The following GRIP2 variants were observed in gnomAD, a reference collection of about 807,000 sequenced individuals.
GRIP2 encodes the protein glutamate receptor interacting protein 2.
GRIP2 carries 58 observed loss-of-function variants against 108.3 expected under a neutral mutation model. The observed-to-expected ratio is 0.54, with a 90% CI of 0.43 to 0.67. GRIP2 has a LOEUF of 0.67. Among genes scored for constraint, GRIP2 ranks in the 30% least tolerant of loss-of-function variants. The pLI is 0.00. For synonymous variants in GRIP2, 586 were observed against 598.2 expected, an observed-to-expected ratio of 0.98 and a Z score of 0.30; for missense variants, 1,278 against 1,430.6, an observed-to-expected ratio of 0.89 and a Z score of 1.72.
At chr3:14,599,982 A>C in the GRIP2 span, among the ~76,000 whole-genome samples, 1 of 152,190 alleles carries the variant, frequency 6.6e-6, no homozygotes, top group African/African-American at 2.4e-5. Flanking sequence ...ACTGCTGTTT[A>C]AGATTCTAAA....
At chr3:14,497,685 G>C (rs747975916) in intron 21 of GRIP2, among the ~76,000 whole-genome samples, 4 of 152,066 alleles carry the variant, frequency 2.6e-5, no homozygotes, top group African/African-American at 9.7e-5. Context: ...AGCATCTTCC[G>C]ACTGCCACAT....
At chr3:14,561,838 CA>C in the GRIP2 span, among the ~76,000 whole-genome samples, 1 of 152,210 alleles carries the variant, frequency 6.6e-6, no homozygotes, top group African/African-American at 2.4e-5. Flanking sequence ...AGGCTGGGTG[CA>C]GACCCTCTTG....
At chr3:14,513,308 T>C (rs1694152308) in intron 13 of GRIP2, among the ~76,000 whole-genome samples, 2 of 152,172 alleles carry the variant, frequency 1.3e-5, no homozygotes, top group East Asian at 1.9e-4. Context: ...GGGGAAACAG[T>C]GGAGGGAGTG....
chr3:14,517,213 G>T lies in GRIP2; in HGVS notation c.1157C>A (p.Ser386Tyr), dbSNP rs767102733. The T allele has an allele frequency of 6.3e-7, 1 of 1,576,190 alleles. No individual in the cohort carries two copies. Among genetic ancestry groups the T allele is most frequent in the Non-Finnish European group, 8.6e-7 (1 of 1,160,484 alleles). ...ATPAGQDQSR[S>Y]LSSTPFSSPT... ...CGAGGAAAAGGGAGTTGAAGACAAG[G>T]CTGGGGAGATGAGAGCACAGCCCCG... The change falls in exon 11 of 24, where the codon TCC (serine) becomes TAC (tyrosine). Residue 386 changes from serine (S) to tyrosine (Y), a missense_variant and splice_region_variant. By Grantham distance (144) the Ser-to-Tyr change is moderately radical. Coordinates refer to ENST00000621039, the MANE Select transcript of GRIP2 (RefSeq NM_001080423.4).
chr3:14,506,389 C>T (rs113664570), intron 19 of GRIP2, among the ~76,000 whole-genome samples: 4,902 of 152,326 alleles, frequency 0.032, 137 homozygotes, highest in Middle Eastern at 0.071. Context: ...GCCCCACATC[C>T]GGTCTTGTAG....
intron 21 of GRIP2, among the ~76,000 whole-genome samples, chr3:14,498,695 T>G (rs1693684143): frequency 6.6e-6 from 1 of 152,204 alleles, no homozygotes. Context: ...CACAGGGTCT[T>G]GGACCCCTAA....
chr3:14,547,510 A>G (rs552962068), intron 1 of GRIP2, among the ~76,000 whole-genome samples: 6 of 152,354 alleles, frequency 3.9e-5, no homozygotes, highest in African/African-American at 1.2e-4. Flanking sequence ...AAAAATTAAA[A>G]ATAAATAGGT....
Position 14,513,859 on chromosome 3 carries a change from T to C in GRIP2, c.1494-49A>G, listed in dbSNP as rs4685172. ...GAGAAGAGGCTCCGTGACAGGTCCA[T>C]TGGGAGACAAGAACGCCATGCAGGG... On this transcript the variant is annotated intron_variant, in intron 12 of 23. Coordinates refer to ENST00000621039, the MANE Select transcript of GRIP2 (RefSeq NM_001080423.4). 0.43 allele frequency: 686,861 copies of C among 1,594,132 alleles called. 152,178 individuals are homozygous for C. The highest frequency in any genetic ancestry group is 0.59 in the East Asian group (26,197 of 44,550).
intron 10 of GRIP2, 123 bp from the exon 11 acceptor site, chr3:14,517,336 G>A (rs1694277686): frequency 1.0e-6 from 1 of 983,896 alleles, no homozygotes. Context: ...CTTCACATCA[G>A]TTACTCATTG....
In GRIP2 at chr3:14,507,769, C is replaced by T. The variant is rs1225255458; in HGVS notation, c.2079-69G>A. 1 of 1,550,638 alleles carries T rather than the reference C, an allele frequency of 6.4e-7. No individual in the cohort carries two copies. Among genetic ancestry groups the T allele is most frequent in the East Asian group, 2.3e-5 (1 of 43,786 alleles). Reference sequence around the variant, plus strand: ...GGGCCTCAGAGTGGCAGTCTGCCCTCAGGGAATCCAGGAGAGCCACAAAGC... The same window carrying T: ...GGGCCTCAGAGTGGCAGTCTGCCCTTAGGGAATCCAGGAGAGCCACAAAGC... On this transcript the variant is annotated intron_variant, in intron 17 of 23. Transcript: ENST00000621039. The surrounding 1 kb of genome is among the most constrained non-coding windows in gnomAD (Gnocchi z 4.6).
At chr3:14,569,043 C>T in the GRIP2 span, among the ~76,000 whole-genome samples, 1 of 152,188 alleles carries the variant, frequency 6.6e-6, no homozygotes, top group African/African-American at 2.4e-5. Flanking sequence ...ATCAATCCAG[C>T]TGACAGGCAG....
In GRIP2 at chr3:14,512,988, T is replaced by G. The variant is rs1361020710; in HGVS notation, c.1640-131A>C. 19 of 758,030 alleles carry G rather than the reference T, an allele frequency of 2.5e-5. No individual in the cohort carries two copies. Among genetic ancestry groups the G allele is most frequent in the Non-Finnish European group, 3.6e-5 (16 of 439,960 alleles). The allele number at this position is 758,030 out of a possible 1,614,324, so 47.0% of individuals were successfully genotyped here. A position where few individuals can be genotyped will look rare whatever the true frequency, so the allele number is the denominator to read the frequency against. On this transcript the variant is annotated intron_variant, in intron 13 of 23. Transcript: ENST00000621039. This position sits in a 1 kb window ranked among gnomAD's most constrained non-coding sequence, Gnocchi z 5.1. ...ACAGTTCTAATCTCATCCCCCTGCTTCCTCTCAACAGAGGAGGAAACTGAG... is the reference window on the plus strand; with the variant it reads ...ACAGTTCTAATCTCATCCCCCTGCTGCCTCTCAACAGAGGAGGAAACTGAG...
intron 1 of GRIP2, among the ~76,000 whole-genome samples, chr3:14,532,329 C>T (rs182189271): frequency 8.7e-4 from 132 of 152,226 alleles, no homozygotes; most frequent in African/African-American, 3.0e-3. Context: ...TATGAGTGGC[C>T]TGAGTCAAGG....
Position 14,522,068 on chromosome 3 carries a change from G to A in GRIP2, c.567-281C>T. ...TGCAGTAATTCACAGACTCAGTGCA[G>A]AACCCTGAAATGTCTGAGCTGGGGG... On this transcript the variant is annotated intron_variant, in intron 6 of 23. Transcript: ENST00000621039. This position sits in a 1 kb window ranked among gnomAD's most constrained non-coding sequence, Gnocchi z 4.3. 2.2e-6 allele frequency: 1 copy of A among 449,800 alleles called. No homozygotes were observed. The highest frequency in any genetic ancestry group is 3.9e-6 in the Non-Finnish European group (1 of 254,124). 27.9% of individuals were successfully genotyped at this position (449,800 alleles called of 1,614,324 possible).
chr3:14,597,993 C>T, the GRIP2 span, among the ~76,000 whole-genome samples: 1 of 152,168 alleles, frequency 6.6e-6, no homozygotes, highest in Non-Finnish European at 1.5e-5. Context: ...TATCTGGGCC[C>T]CCACTACCTG....
chr3:14,531,495 T>G (rs527832150), intron 1 of GRIP2, among the ~76,000 whole-genome samples: 17 of 152,244 alleles, frequency 1.1e-4, no homozygotes, highest in South Asian at 4.2e-4. Context: ...AAAGGCAGGG[T>G]TCAGCCTGAT....
At chr3:14,496,331 G>T in intron 22 of GRIP2, 86 bp downstream of exon 22, 1 of 1,201,806 alleles carries the variant, frequency 8.3e-7, no homozygotes, top group Non-Finnish European at 1.2e-6. Context: ...GCCCTGAGAG[G>T]GGCAGGGCCC....
Position 14,507,347 on chromosome 3 carries a change from G to C in GRIP2, c.2218+214C>G, listed in dbSNP as rs1013978797. Among the ~76,000 whole-genome samples the C allele has an allele frequency of 1.4e-4, 21 of 152,254 alleles. No homozygotes were observed. The highest frequency in any genetic ancestry group is 5.1e-4 in the African/African-American group (21 of 41,462). ...ACCTTAAGAGGCAGGAAGTAATGAA[G>C]AACAGGGCTCAGACCCAGATTCTGC... On this transcript the variant is annotated intron_variant, in intron 18 of 23. Coordinates refer to ENST00000621039, the MANE Select transcript of GRIP2 (RefSeq NM_001080423.4). This position sits in a 1 kb window ranked among gnomAD's most constrained non-coding sequence, Gnocchi z 4.6.
At chr3:14,545,482 C>G (rs1009440174), upstream of GRIP2, among the ~76,000 whole-genome samples, 2 of 152,226 alleles carry the variant, frequency 1.3e-5, no homozygotes, top group Non-Finnish European at 2.9e-5. Flanking sequence ...GGCTGGGAAC[C>G]CCTGACTGGG....
Sources: gnomAD v4.1 joint callset for allele counts (sites outside exome capture counted in the v4.1 genomes callset) on GRCh38, gnomAD v4.1.1 for gene constraint, Gnocchi (gnomAD v3.1) non-coding constraint, MANE v1.5 for transcripts, NCBI Gene and HGNC (gene_info 2026-07-23, HGNC 2026-07-21) for gene names.